Variants in APLP2 observed in about 807,000 individuals in gnomAD.
The protein encoded by APLP2 is CDEI box-binding protein.
APLP2 carries 53 observed loss-of-function variants against 89.9 expected under a neutral mutation model. The ratio of observed to expected loss-of-function variants is 0.59; its 90% CI spans 0.47 to 0.74. The LOEUF (loss-of-function observed/expected upper bound fraction) is 0.74, where lower values mean the gene tolerates loss of function less well. APLP2 is among the 30% of genes least tolerant of loss of function. The pLI, the probability that APLP2 is intolerant of heterozygous loss-of-function variation, is 0.00. For missense variants in APLP2, 973 were observed against 975.9 expected, an observed-to-expected ratio of 1.00 and a Z score of 0.04; for synonymous variants, 372 against 348.6, an observed-to-expected ratio of 1.07 and a Z score of -0.75.
chr11:130,102,470 C>T (rs1947075496), intron 1 of APLP2, among the ~76,000 whole-genome samples: 1 of 152,202 alleles, frequency 6.6e-6, no homozygotes, highest in South Asian at 2.1e-4. Context: ...GATTCTTCCA[C>T]TAGTGGGATC....
At chr11:130,126,361 T>A (rs1950364617) in intron 7 of APLP2, among the ~76,000 whole-genome samples, 1 of 152,158 alleles carries the variant, frequency 6.6e-6, no homozygotes, top group South Asian at 2.1e-4. Context: ...AGCAATAAGG[T>A]AGCTATTGTT....
intron 1 of APLP2, among the ~76,000 whole-genome samples, chr11:130,091,232 C>T (rs76750822): frequency 8.0e-6 from 1 of 125,414 alleles, no homozygotes; most frequent in African/African-American, 3.2e-5. Flanking sequence ...ACCCCCCCCA[C>T]CTCCCTCCCG....
intron 1 of APLP2, among the ~76,000 whole-genome samples, chr11:130,075,994 G>C (rs888395556): frequency 1.3e-5 from 2 of 152,140 alleles, no homozygotes; most frequent in Admixed American, 6.5e-5. Context: ...GGACTTTGAT[G>C]TTTTACATTT....
intron 7 of APLP2, among the ~76,000 whole-genome samples, chr11:130,125,142 G>A (rs1426807180): frequency 6.6e-6 from 1 of 152,170 alleles, no homozygotes; most frequent in East Asian, 1.9e-4. Context: ...GAGCGTTTTT[G>A]TTCTTCTTTG....
At chr11:130,104,175 A>ATT (rs1224228487) in intron 1 of APLP2, among the ~76,000 whole-genome samples, 1 of 143,348 alleles carries the variant, frequency 7.0e-6, no homozygotes, top group Non-Finnish European at 1.5e-5. Context: ...TAATCCTTAG[A>ATT]TTACAAAAGA....
chr11:130,134,163 G>A (rs952826286), intron 12 of APLP2, among the ~76,000 whole-genome samples: 2 of 152,160 alleles, frequency 1.3e-5, no homozygotes, highest in African/African-American at 4.8e-5. Context: ...GAGTAAAATG[G>A]TCCACGAGCA....
chr11:130,107,646 A>T (rs1418154302), intron 1 of APLP2, among the ~76,000 whole-genome samples: 1 of 152,218 alleles, frequency 6.6e-6, no homozygotes, highest in Non-Finnish European at 1.5e-5. Context: ...TGCCCAAGGT[A>T]ATTTGTAGAT....
chr11:130,074,241 A>G (rs1941696494), intron 1 of APLP2, among the ~76,000 whole-genome samples: 1 of 151,998 alleles, frequency 6.6e-6, no homozygotes, highest in Admixed American at 6.6e-5. Context: ...TTTGAGTTGG[A>G]GTCTCACTCT....
At chr11:130,099,919 G>A (rs759349147) in intron 1 of APLP2, among the ~76,000 whole-genome samples, 2 of 152,166 alleles carry the variant, frequency 1.3e-5, no homozygotes, top group South Asian at 2.1e-4. Flanking sequence ...GTGGTTCTGC[G>A]TGTTATTTTA....
Position 130,071,631 on chromosome 11 carries a change from C to G in APLP2, c.105+1549C>G, listed in dbSNP as rs192539123. Among the ~76,000 whole-genome samples, 30 of 152,326 alleles carry G rather than the reference C, an allele frequency of 2.0e-4. No homozygotes were observed. In the East Asian group the frequency reaches 5.4e-3, roughly 27 times the overall value. ...GACTAATTTGAGGCATTAGTGAATT[C>G]ACAGTAGAAGACTCAGCAGTTTTAA... On this transcript the variant is annotated intron_variant, in intron 1 of 16. Coordinates refer to ENST00000338167, the MANE Select transcript of APLP2 (RefSeq NM_001142276.2).
intron 13 of APLP2, among the ~76,000 whole-genome samples, chr11:130,139,842 G>A (rs182986792): frequency 1.3e-4 from 20 of 152,266 alleles, no homozygotes; most frequent in Admixed American, 9.8e-4. Flanking sequence ...GAAGAAATCC[G>A]TAATGACAGA....
At chr11:130,085,075 A>G (rs910193533) in intron 1 of APLP2, among the ~76,000 whole-genome samples, 5 of 152,354 alleles carry the variant, frequency 3.3e-5, no homozygotes, top group African/African-American at 9.6e-5. Flanking sequence ...AAAAACGTGC[A>G]AACTACCAAG....
At position 130,080,500 on chromosome 11, in the gene APLP2, C is replaced by T. The variant is rs972935136; in HGVS notation, c.105+10418C>T. ...GATTACAGGCATGAGCCACCGTGCCCGGCCAGACATTTTATTTATACAGGT... is the reference window on the plus strand; with the variant it reads ...GATTACAGGCATGAGCCACCGTGCCTGGCCAGACATTTTATTTATACAGGT... On this transcript the variant is annotated intron_variant, in intron 1 of 16. Coordinates refer to ENST00000338167, the MANE Select transcript of APLP2 (RefSeq NM_001142276.2). 3.3e-5 allele frequency among the ~76,000 whole-genome samples: 5 copies of T among 151,462 alleles called. No individual in the cohort carries two copies. In the South Asian group the frequency reaches 8.4e-4, roughly 25 times the overall value.
In APLP2 at chr11:130,133,592, C is replaced by T. The variant is rs144008358; in HGVS notation, c.1585-37C>T. The T allele has an allele frequency of 6.9e-4, 1,049 of 1,525,370 alleles. 6 individuals are homozygous for T. In the African/African-American group the frequency reaches 0.013, roughly 19 times the overall value. 94.5% of individuals were successfully genotyped at this position (1,525,370 alleles called of 1,614,324 possible). On this transcript the variant is annotated intron_variant, in intron 11 of 16. Transcript: ENST00000338167. ...AGTTCCCTCCTGGCCTAGTTGTTTT[C>T]AGTCACAACACCTCTCCACCATAAC...
At chr11:130,075,129 C>CCT (rs1941878204) in intron 1 of APLP2, among the ~76,000 whole-genome samples, 1 of 152,148 alleles carries the variant, frequency 6.6e-6, no homozygotes, top group Non-Finnish European at 1.5e-5. Context: ...ATTTTTCTTA[C>CCT]CTAAGCATCG....
At chr11:130,090,897 AC>A (rs71084496) in intron 1 of APLP2, among the ~76,000 whole-genome samples, 2,022 of 94,768 alleles carry the variant, frequency 0.021, 20 homozygotes, top group South Asian at 0.024. Flanking sequence ...GGGGGGGCTG[AC>A]CCCCCCCATC....
At chr11:130,070,342 G>A (rs1047979117) in intron 1 of APLP2, among the ~76,000 whole-genome samples, 1 of 151,338 alleles carries the variant, frequency 6.6e-6, no homozygotes, top group Admixed American at 6.6e-5. Context: ...CGCCTCGGCC[G>A]ACCCAGCCCC....
chr11:130,137,312 C>G, intron 13 of APLP2: 1 of 1,606,776 alleles, frequency 6.2e-7, no homozygotes, highest in Admixed American at 1.7e-5. Flanking sequence ...CCAAGATGTT[C>G]CCTTTAAGAC....
intron 1 of APLP2, among the ~76,000 whole-genome samples, chr11:130,102,984 G>T (rs1255235485): frequency 6.6e-6 from 1 of 152,196 alleles, no homozygotes; most frequent in Non-Finnish European, 1.5e-5. Context: ...ACTGGCTTCA[G>T]TGCCAACACA....
Sources: allele counts gnomAD v4.1 joint callset (sites outside exome capture counted in the v4.1 genomes callset), GRCh38; gene constraint gnomAD v4.1.1; transcripts MANE v1.5; gene names NCBI Gene and HGNC (gene_info 2026-07-23, HGNC 2026-07-21).